Variants in TTC39B observed in about 807,000 individuals in gnomAD.
The protein encoded by TTC39B is tetratricopeptide repeat domain 39B, also known as tetratricopeptide repeat protein 39B.
TTC39B carries 92 observed loss-of-function variants against 96.6 expected under a neutral mutation model. That is an observed-to-expected ratio of 0.95 (90% CI 0.80 to 1.13). TTC39B has a LOEUF of 1.13. TTC39B is among the 50% of genes most tolerant of loss of function. The pLI is 0.00. For synonymous variants in TTC39B, 367 were observed against 299.4 expected (o/e 1.23, Z -2.33); for missense variants, 955 against 809.3 (o/e 1.18, Z -2.18).
exon 1 of TTC39B, chr9:15,307,210 G>A (rs775534809): frequency 2.6e-6 from 4 of 1,558,044 alleles, no homozygotes; most frequent in South Asian, 2.3e-5. Context: ...TCAGCCCAGC[G>A]CAAAGGAGGG....
chr9:15,241,088 G>A (rs1462673950), intron 2 of TTC39B, among the ~76,000 whole-genome samples: 2 of 152,198 alleles, frequency 1.3e-5, no homozygotes, highest in African/African-American at 4.8e-5. Context: ...ATCTTTGGCA[G>A]ATGAGAAAAA....
intron 3 of TTC39B, among the ~76,000 whole-genome samples, chr9:15,223,185 G>T (rs1451090921): frequency 6.6e-6 from 1 of 152,224 alleles, no homozygotes; most frequent in Admixed American, 6.5e-5. Flanking sequence ...CTCTGGATAT[G>T]AGGATCCTTT....
intron 2 of TTC39B, among the ~76,000 whole-genome samples, chr9:15,246,398 G>T (rs1274695977): frequency 2.0e-5 from 3 of 152,182 alleles, no homozygotes; most frequent in East Asian, 3.9e-4. Flanking sequence ...TGGGGTTTTA[G>T]TTGAGGAGTT....
At chr9:15,293,822 C>T (rs1005913007) in intron 1 of TTC39B, among the ~76,000 whole-genome samples, 2 of 152,298 alleles carry the variant, frequency 1.3e-5, no homozygotes, top group East Asian at 1.9e-4. Flanking sequence ...TGCCAATCAC[C>T]GAGTTTTGGT....
At chr9:15,246,712 C>A (rs747008942) in intron 2 of TTC39B, among the ~76,000 whole-genome samples, 1 of 152,222 alleles carries the variant, frequency 6.6e-6, no homozygotes, top group African/African-American at 2.4e-5. Context: ...AAGAACAAAG[C>A]CCCTGACAAC....
intron 7 of TTC39B, among the ~76,000 whole-genome samples, chr9:15,200,728 T>C (rs1296178846): frequency 3.9e-5 from 6 of 152,218 alleles, no homozygotes; most frequent in Non-Finnish European, 8.8e-5. Context: ...TGGCTGGGCG[T>C]GGTGGCTCAC....
chr9:15,239,712 C>G (rs1050638232), intron 2 of TTC39B, among the ~76,000 whole-genome samples: 6 of 151,984 alleles, frequency 3.9e-5, no homozygotes, highest in African/African-American at 1.5e-4. Context: ...ACAATAGGTA[C>G]AAATGCAAAT....
chr9:15,189,656 C>T (rs369001548), intron 12 of TTC39B, 23 bp from the exon 13 acceptor site: 15 of 1,613,978 alleles, frequency 9.3e-6, no homozygotes, highest in East Asian at 4.5e-5. Context: ...GAAGAAAACA[C>T]ACTGTTCAAC....
At chr9:15,213,983 A>C (rs1356013563) in intron 4 of TTC39B, among the ~76,000 whole-genome samples, 156 bp downstream of exon 4, 1 of 152,252 alleles carries the variant, frequency 6.6e-6, no homozygotes, top group Non-Finnish European at 1.5e-5. Context: ...AGATTTCTAA[A>C]TTGAATTTTA....
At chr9:15,304,980 A>G (rs1217690761) in intron 1 of TTC39B, among the ~76,000 whole-genome samples, 9 of 152,204 alleles carry the variant, frequency 5.9e-5, no homozygotes, top group Non-Finnish European at 7.3e-5. Flanking sequence ...ACTCCCCCAG[A>G]ATATCAAATA....
chr9:15,236,164 G>T (rs568237024), intron 2 of TTC39B, among the ~76,000 whole-genome samples: 1 of 152,170 alleles, frequency 6.6e-6, no homozygotes, highest in African/African-American at 2.4e-5. Flanking sequence ...GAGCAGGAGT[G>T]ACTATTCTCA....
intron 2 of TTC39B, among the ~76,000 whole-genome samples, chr9:15,236,415 C>T (rs919434352): frequency 1.3e-5 from 2 of 152,116 alleles, no homozygotes; most frequent in African/African-American, 2.4e-5. Flanking sequence ...GACAGATCAT[C>T]GAGGCAGAAA....
chr9:15,198,483 T>C (rs990115571), intron 8 of TTC39B, among the ~76,000 whole-genome samples: 6 of 148,574 alleles, frequency 4.0e-5, no homozygotes, highest in African/African-American at 1.5e-4. Context: ...TATATATATA[T>C]ATATCATAAA....
intron 1 of TTC39B, among the ~76,000 whole-genome samples, chr9:15,292,829 G>A (rs1824237541): frequency 6.6e-6 from 1 of 152,186 alleles, no homozygotes; most frequent in Admixed American, 6.5e-5. Context: ...TAAGCTAAGT[G>A]TTATTGTAAA....
chr9:15,203,838 T>G (rs754878232), exon 7 of TTC39B: 3 of 1,612,924 alleles, frequency 1.9e-6, no homozygotes, highest in Non-Finnish European at 2.5e-6. Flanking sequence ...CAAACGTGAG[T>G]GCAGCTTTCT....
exon 17 of TTC39B, chr9:15,182,385 T>C (rs746103656): frequency 6.2e-7 from 1 of 1,611,976 alleles, no homozygotes; most frequent in Non-Finnish European, 8.5e-7. Flanking sequence ...TTGCTCACTA[T>C]TGAAAAACCA....
chr9:15,285,158 G>C (rs1347781087), intron 1 of TTC39B, among the ~76,000 whole-genome samples: 3 of 151,602 alleles, frequency 2.0e-5, no homozygotes, highest in Non-Finnish European at 2.9e-5. Flanking sequence ...CCAGCTACTC[G>C]GGGCGGGGGC....
chr9:15,178,875 T>C (rs1818099778), intron 17 of TTC39B, among the ~76,000 whole-genome samples: 1 of 152,148 alleles, frequency 6.6e-6, no homozygotes, highest in Non-Finnish European at 1.5e-5. Context: ...CCATTAAAAA[T>C]TCAGGAAGTA....
chr9:15,301,399 A>G (rs1028184353), intron 1 of TTC39B, among the ~76,000 whole-genome samples: 1 of 152,238 alleles, frequency 6.6e-6, no homozygotes, highest in Non-Finnish European at 1.5e-5. Flanking sequence ...TTTAGTGTGT[A>G]CATCCAGCAT....
Sources: gnomAD v4.1 joint callset for allele counts (sites outside exome capture counted in the v4.1 genomes callset) on GRCh38, gnomAD v4.1.1 for gene constraint, MANE v1.5 for transcripts, NCBI Gene and HGNC (gene_info 2026-07-23, HGNC 2026-07-21) for gene names.